The following RSRC1 variants were observed in gnomAD, a reference collection of about 807,000 sequenced individuals.
The protein encoded by RSRC1 is serine/Arginine-related protein 53.
Under a neutral mutation model 49.1 loss-of-function variants are expected in RSRC1, and 39 were observed. That is an observed-to-expected ratio of 0.79 (90% confidence interval 0.61 to 1.04). The LOEUF (loss-of-function observed/expected upper bound fraction) is 1.04, where lower values mean the gene tolerates loss of function less well. RSRC1 is among the 50% of genes least tolerant of loss of function. The pLI is 0.00. For synonymous variants in RSRC1, 143 were observed against 130.8 expected, an observed-to-expected ratio of 1.09 and a Z score of -0.63; for missense variants, 388 against 402.4, an observed-to-expected ratio of 0.96 and a Z score of 0.31.
At chr3:158,125,086 T>G (rs1715529570) in intron 3 of RSRC1, among the ~76,000 whole-genome samples, 1 of 152,134 alleles carries the variant, frequency 6.6e-6, no homozygotes, top group Non-Finnish European at 1.5e-5. Flanking sequence ...TCCAAAGTGC[T>G]GGCATTATAG....
At chr3:158,230,632 G>T (rs1310144639) in intron 4 of RSRC1, among the ~76,000 whole-genome samples, 1 of 152,018 alleles carries the variant, frequency 6.6e-6, no homozygotes, top group African/African-American at 2.4e-5. Flanking sequence ...CTTATTAGAA[G>T]ATGCTATATT....
intron 5 of RSRC1, among the ~76,000 whole-genome samples, chr3:158,308,686 C>T (rs1221969989): frequency 2.0e-5 from 3 of 151,946 alleles, no homozygotes; most frequent in Admixed American, 2.0e-4. Context: ...TGCTCAGTTA[C>T]TGTATGCGCT....
intron 4 of RSRC1, among the ~76,000 whole-genome samples, chr3:158,263,607 T>G (rs1725015054): frequency 6.6e-6 from 1 of 152,114 alleles, no homozygotes; most frequent in South Asian, 2.1e-4. Flanking sequence ...ATTATTTGAT[T>G]ATTAAATGTT....
intron 6 of RSRC1, among the ~76,000 whole-genome samples, chr3:158,387,287 G>T (rs1419230274): frequency 6.6e-6 from 1 of 151,994 alleles, no homozygotes; most frequent in African/African-American, 2.4e-5. Context: ...CTCCCTTTGG[G>T]ATTTATCTAT....
chr3:158,167,242 A>G (rs1718591222), intron 3 of RSRC1, among the ~76,000 whole-genome samples: 1 of 152,024 alleles, frequency 6.6e-6, no homozygotes, highest in Admixed American at 6.6e-5. Context: ...GGTGCAGTGC[A>G]GTAGTACGAT....
At chr3:158,343,846 T>C (rs148266072) in intron 5 of RSRC1, among the ~76,000 whole-genome samples, 44 of 152,232 alleles carry the variant, frequency 2.9e-4, no homozygotes, top group African/African-American at 7.9e-4. Context: ...CCATACAATA[T>C]ACATGGAGTT....
At chr3:158,518,116 G>GCA (rs1283989660) in intron 7 of RSRC1, among the ~76,000 whole-genome samples, 1,497 of 79,718 alleles carry the variant, frequency 0.019, 76 homozygotes, top group African/African-American at 0.054. Context: ...GTGTGTGTGT[G>GCA]TGTGTGTGTG....
chr3:158,332,407 T>C (rs9827781), intron 5 of RSRC1, among the ~76,000 whole-genome samples: 79,824 of 151,956 alleles, frequency 0.53, 21,419 homozygotes, highest in African/African-American at 0.62. Flanking sequence ...AAAACTGGTA[T>C]GTTTATTCAT....
At chr3:158,426,868 T>C (rs79723298) in intron 6 of RSRC1, among the ~76,000 whole-genome samples, 1 of 151,762 alleles carries the variant, frequency 6.6e-6, no homozygotes, top group Non-Finnish European at 1.5e-5. Context: ...GGCTTTAAGC[T>C]TTTTTGATGA....
At chr3:158,487,946 C>CAAAAAAAAAAAAAA (rs1303656428) in intron 7 of RSRC1, among the ~76,000 whole-genome samples, 156 of 11,448 alleles carry the variant, frequency 0.014, 12 homozygotes, top group Non-Finnish European at 0.017. Flanking sequence ...GACTCCATCT[C>CAAAAAAAAAAAAAA]AAGAAAAAAA....
intron 6 of RSRC1, among the ~76,000 whole-genome samples, chr3:158,416,979 A>G (rs1028454942): frequency 3.3e-5 from 5 of 152,018 alleles, no homozygotes; most frequent in East Asian, 1.9e-4. Context: ...TTGAATTCAT[A>G]TATATTTCTT....
At chr3:158,276,344 G>A (rs1330191727) in intron 4 of RSRC1, 9 of 770,052 alleles carry the variant, frequency 1.2e-5, no homozygotes, top group Non-Finnish European at 2.1e-5. Flanking sequence ...ACTGCCAGCA[G>A]CAGACCCTCA....
intron 3 of RSRC1, among the ~76,000 whole-genome samples, chr3:158,174,933 A>G (rs1242767396): frequency 6.6e-6 from 1 of 152,048 alleles, no homozygotes; most frequent in Non-Finnish European, 1.5e-5. Flanking sequence ...TTAAATCCCT[A>G]CCATTGGTAT....
At chr3:158,342,351 TG>T (rs1730297563) in intron 5 of RSRC1, among the ~76,000 whole-genome samples, 4 of 152,168 alleles carry the variant, frequency 2.6e-5, no homozygotes, top group African/African-American at 4.8e-5. Flanking sequence ...AATTGAATCA[TG>T]GGGGCCAGTC....
At chr3:158,442,794 C>T (rs1736455237) in intron 6 of RSRC1, among the ~76,000 whole-genome samples, 1 of 151,864 alleles carries the variant, frequency 6.6e-6, no homozygotes, top group Admixed American at 6.6e-5. Flanking sequence ...GCTATAGCTG[C>T]CATAGCCCTA....
At position 158,483,886 on chromosome 3, in the gene RSRC1, A is replaced by C. The variant is rs142135359; in HGVS notation, c.652+22883A>C. On this transcript the variant is annotated intron_variant, in intron 7 of 9. Transcript: ENST00000611884. ...CATTTTTATATACTCTTGGGAAATA[A>C]ATTTGGCAGAAAAGCAGCATGAGTA... Among the ~76,000 whole-genome samples the C allele has an allele frequency of 1.1e-3, 166 of 152,178 alleles. 1 individual carries two copies. The highest frequency in any genetic ancestry group is 3.8e-3 in the African/African-American group (156 of 41,542).
intron 7 of RSRC1, among the ~76,000 whole-genome samples, chr3:158,519,014 T>G (rs1711520322): frequency 6.6e-6 from 1 of 151,864 alleles, no homozygotes; most frequent in Non-Finnish European, 1.5e-5. Flanking sequence ...CTTGAAGACT[T>G]TTTTTTTGTT....
intron 3 of RSRC1, among the ~76,000 whole-genome samples, chr3:158,202,578 ATATG>A (rs1424713742): frequency 7.0e-6 from 1 of 142,690 alleles, no homozygotes; most frequent in African/African-American, 2.7e-5. Flanking sequence ...ATATATATAT[ATATG>A]TTTTATCAAT....
intron 6 of RSRC1, among the ~76,000 whole-genome samples, chr3:158,421,102 G>C (rs1426043837): frequency 6.6e-6 from 1 of 151,862 alleles, no homozygotes; most frequent in Non-Finnish European, 1.5e-5. Flanking sequence ...GACTTTCAGT[G>C]TTGAAATCAG....
Sources: gnomAD v4.1 joint callset for allele counts (sites outside exome capture counted in the v4.1 genomes callset) on GRCh38, gnomAD v4.1.1 for gene constraint, MANE v1.5 for transcripts, NCBI Gene and HGNC (gene_info 2026-07-23, HGNC 2026-07-21) for gene names.